PHLPP1: variants seen among roughly 807,000 people sequenced by gnomAD.
PHLPP1 encodes the protein PH domain leucine-rich repeat-containing protein phosphatase 1.
A neutral mutation model predicts 117.2 loss-of-function variants in PHLPP1; 42 were observed. The ratio of observed to expected loss-of-function variants is 0.36; its 90% confidence interval spans 0.28 to 0.46. The LOEUF (loss-of-function observed/expected upper bound fraction) is 0.46, where lower values mean the gene tolerates loss of function less well. Ranked by LOEUF, PHLPP1 falls within the 20% of genes least tolerant of loss-of-function variation. The pLI is 1.00. For synonymous variants in PHLPP1, 1,042 were observed against 970.7 expected (o/e 1.07, Z -1.37); for missense variants, 2,084 against 2,241.9 (o/e 0.93, Z 1.42).
intron 4 of PHLPP1, among the ~76,000 whole-genome samples, chr18:62,861,783 A>G (rs1915638342): frequency 6.6e-6 from 1 of 152,214 alleles, no homozygotes; most frequent in African/African-American, 2.4e-5. Flanking sequence ...TTTTCAGGTA[A>G]TTGTGAATAT....
chr18:62,789,201 C>T (rs1311228482), intron 1 of PHLPP1, among the ~76,000 whole-genome samples: 1 of 152,006 alleles, frequency 6.6e-6, no homozygotes, highest in African/African-American at 2.4e-5. Context: ...GATTTCTTTC[C>T]TTAAGCATTA....
chr18:62,815,624 T>G (rs542085002), intron 1 of PHLPP1, among the ~76,000 whole-genome samples: 1 of 152,236 alleles, frequency 6.6e-6, no homozygotes, highest in South Asian at 2.1e-4. Flanking sequence ...GGAGTGATCC[T>G]AGAGAGAGAG....
At chr18:62,751,950 A>G (rs1241484190) in intron 1 of PHLPP1, among the ~76,000 whole-genome samples, 1 of 152,234 alleles carries the variant, frequency 6.6e-6, no homozygotes, top group Non-Finnish European at 1.5e-5. Context: ...GTAGTACTAA[A>G]ATACTCAGAA....
intron 10 of PHLPP1, among the ~76,000 whole-genome samples, chr18:62,941,188 A>C (rs1311957404): frequency 6.6e-6 from 1 of 152,122 alleles, no homozygotes; most frequent in Non-Finnish European, 1.5e-5. Context: ...ACTGAAGAGG[A>C]CTCAAGTCAC....
At chr18:62,849,459 G>A (rs1453731382) in intron 3 of PHLPP1, among the ~76,000 whole-genome samples, 1 of 151,248 alleles carries the variant, frequency 6.6e-6, no homozygotes, top group Non-Finnish European at 1.5e-5. Flanking sequence ...TCAGGAGTTC[G>A]AGACCACCCT....
At chr18:62,769,486 CA>C (rs1326285451) in intron 1 of PHLPP1, among the ~76,000 whole-genome samples, 2 of 152,088 alleles carry the variant, frequency 1.3e-5, no homozygotes, top group African/African-American at 4.8e-5. Flanking sequence ...TGCGAGGATT[CA>C]AAGGATGTAT....
At position 62,822,280 on chromosome 18, in the gene PHLPP1, G is replaced by GTT. The variant is rs796719016; in HGVS notation, c.1577-7751_1577-7750dup. Reference sequence around the variant, plus strand: ...AGAAAATAGTGTTTTTTTTTTTTTTGTTTTTGTTTTTTTTTTTTTGAGACA... The same window carrying GTT: ...AGAAAATAGTGTTTTTTTTTTTTTTGTTTTTTTGTTTTTTTTTTTTTGAGACA... On this transcript the variant is annotated intron_variant, in intron 1 of 16. Coordinates refer to ENST00000262719, the MANE Select transcript of PHLPP1 (RefSeq NM_194449.4). 2.6e-3 allele frequency among the ~76,000 whole-genome samples: 248 copies of GTT among 95,970 alleles called. 7 individuals carry two copies. Among genetic ancestry groups the GTT allele is most frequent in the Non-Finnish European group, 3.3e-3 (160 of 48,770 alleles). 63.0% of individuals were successfully genotyped at this position (95,970 alleles called of 152,430 possible). A position where few individuals can be genotyped will look rare whatever the true frequency, so the allele number is the denominator to read the frequency against.
intron 10 of PHLPP1, among the ~76,000 whole-genome samples, chr18:62,930,405 C>G (rs1384193651): frequency 6.6e-6 from 1 of 151,906 alleles, no homozygotes; most frequent in East Asian, 1.9e-4. Flanking sequence ...AAATAGAAAA[C>G]AAAAGAGTAG....
chr18:62,871,785 C>T (rs779767444), intron 4 of PHLPP1, among the ~76,000 whole-genome samples: 2 of 151,674 alleles, frequency 1.3e-5, no homozygotes, highest in Admixed American at 6.6e-5. Flanking sequence ...GCTGGGATTA[C>T]AGGCACGCGC....
chr18:62,945,338 C>T, intron 12 of PHLPP1, 67 bp downstream of exon 12: 1 of 1,288,876 alleles, frequency 7.8e-7, no homozygotes, highest in Non-Finnish European at 1.1e-6. Context: ...CCTAACTCAT[C>T]AACTCAGGAC....
intron 1 of PHLPP1, among the ~76,000 whole-genome samples, chr18:62,757,113 C>T (rs766206297): frequency 3.9e-5 from 6 of 152,156 alleles, no homozygotes; most frequent in Admixed American, 6.5e-5. Context: ...TTTGTACAGA[C>T]GTCAACATTG....
At chr18:62,827,233 A>G (rs1431582980) in intron 1 of PHLPP1, among the ~76,000 whole-genome samples, 3 of 152,208 alleles carry the variant, frequency 2.0e-5, no homozygotes, top group Middle Eastern at 3.4e-3. Context: ...TTTTACGTCT[A>G]TTTTTCCTCC....
At chr18:62,965,452 C>CTTTTTT (rs34187461) in intron 14 of PHLPP1, among the ~76,000 whole-genome samples, 54 of 76,114 alleles carry the variant, frequency 7.1e-4, no homozygotes, top group Middle Eastern at 0.011. Flanking sequence ...TAATCAGCCT[C>CTTTTTT]TTTTTTTTTT....
intron 1 of PHLPP1, among the ~76,000 whole-genome samples, chr18:62,797,824 A>G (rs1191475693): frequency 6.6e-6 from 1 of 152,156 alleles, no homozygotes; most frequent in Non-Finnish European, 1.5e-5. Context: ...AGAGAGGTTG[A>G]TTATGGCTCA....
At chr18:62,742,255 A>G (rs1222957142) in intron 1 of PHLPP1, among the ~76,000 whole-genome samples, 2 of 152,126 alleles carry the variant, frequency 1.3e-5, no homozygotes, top group African/African-American at 4.8e-5. Context: ...CACAAGAACA[A>G]CCACTTTTTC....
Position 62,795,377 on chromosome 18 carries a change from C to T in PHLPP1, c.1577-34658C>T, listed in dbSNP as rs1913597468. 2.0e-5 allele frequency among the ~76,000 whole-genome samples: 3 copies of T among 150,608 alleles called. No homozygotes were observed. In the South Asian group the frequency reaches 6.3e-4, roughly 32 times the overall value. ...CCTGTAGTCCCAGCTACTCGGGAGG[C>T]TGAGGCAGGAGAATTGCTTGAACCC... On this transcript the variant is annotated intron_variant, in intron 1 of 16. Transcript: ENST00000262719.
intron 4 of PHLPP1, among the ~76,000 whole-genome samples, chr18:62,862,081 T>C (rs1440540220): frequency 3.9e-5 from 6 of 151,900 alleles, no homozygotes; most frequent in Non-Finnish European, 8.8e-5. Flanking sequence ...CACTGATCTT[T>C]TTTTTTTTCT....
intron 1 of PHLPP1, among the ~76,000 whole-genome samples, chr18:62,722,858 C>T (rs779754480): frequency 6.6e-6 from 1 of 152,142 alleles, no homozygotes; most frequent in Non-Finnish European, 1.5e-5. Context: ...TGTGAAATAG[C>T]AACTCTTTGA....
intron 10 of PHLPP1, among the ~76,000 whole-genome samples, chr18:62,925,442 G>A (rs975205097): frequency 2.6e-5 from 4 of 152,162 alleles, no homozygotes; most frequent in African/African-American, 9.7e-5. Flanking sequence ...AATGAGCTTT[G>A]TGGTAATTGC....
Sources: allele counts gnomAD v4.1 joint callset (sites outside exome capture counted in the v4.1 genomes callset), GRCh38; gene constraint gnomAD v4.1.1; transcripts MANE v1.5; gene names NCBI Gene and HGNC (gene_info 2026-07-23, HGNC 2026-07-21).